The following GLIS3 variants were observed in gnomAD, a reference collection of about 807,000 sequenced individuals.
GLIS3 encodes the protein GLIS family zinc finger 3.
A neutral mutation model predicts 78.6 loss-of-function variants in GLIS3; 53 were observed. The ratio of observed to expected loss-of-function variants is 0.67; its 90% confidence interval spans 0.54 to 0.85. The LOEUF (loss-of-function observed/expected upper bound fraction) is 0.85. GLIS3 is among the 40% of genes least tolerant of loss of function. The probability of loss-of-function intolerance (pLI) is 0.00; values close to 1 mark genes in which losing one functional copy is unlikely to be tolerated. For missense variants in GLIS3, 1,703 were observed against 1,231.1 expected, an observed-to-expected ratio of 1.38 and a Z score of -5.74; for synonymous variants, 684 against 509.9, an observed-to-expected ratio of 1.34 and a Z score of -4.60.
the GLIS3 span, among the ~76,000 whole-genome samples, chr9:4,418,516 T>C: frequency 1.3e-5 from 2 of 152,144 alleles, no homozygotes; most frequent in Non-Finnish European, 2.9e-5. Flanking sequence ...CTGGCCAACA[T>C]GGTGAAGCCC....
chr9:4,195,542 G>C (rs762599787), intron 2 of GLIS3, among the ~76,000 whole-genome samples: 3 of 152,364 alleles, frequency 2.0e-5, no homozygotes, highest in African/African-American at 7.2e-5. Flanking sequence ...CCATGGGGCA[G>C]GGCTCGGGAC....
chr9:4,033,887 A>C (rs1367898828), intron 4 of GLIS3, among the ~76,000 whole-genome samples: 3 of 149,904 alleles, frequency 2.0e-5, no homozygotes, highest in Non-Finnish European at 4.4e-5. Context: ...AAAAAAAAAA[A>C]AAACTAGAAT....
intron 2 of GLIS3, among the ~76,000 whole-genome samples, chr9:4,169,653 G>A (rs1010298740): frequency 6.6e-6 from 1 of 152,130 alleles, no homozygotes; most frequent in African/African-American, 2.4e-5. Flanking sequence ...ATAAGAAAAT[G>A]TGCATGTTTG....
intron 4 of GLIS3, among the ~76,000 whole-genome samples, chr9:4,020,096 G>A (rs1822758404): frequency 6.6e-6 from 1 of 152,116 alleles, no homozygotes; most frequent in Admixed American, 6.5e-5. Context: ...TGGAGAAGGT[G>A]ACGTCTGAGA....
the GLIS3 span, among the ~76,000 whole-genome samples, chr9:4,360,292 A>G: frequency 1.3e-5 from 2 of 152,140 alleles, no homozygotes; most frequent in African/African-American, 4.8e-5. Context: ...GCAACAAAAG[A>G]GCATGCGACT....
At chr9:3,923,147 A>G (rs781646880) in intron 6 of GLIS3, among the ~76,000 whole-genome samples, 12 of 152,348 alleles carry the variant, frequency 7.9e-5, no homozygotes, top group African/African-American at 2.4e-4. Flanking sequence ...AAATATGCCA[A>G]CCAAACTAAT....
chr9:4,325,411 A>G (rs1157470959), intron 2 of GLIS3, among the ~76,000 whole-genome samples: 1 of 152,196 alleles, frequency 6.6e-6, no homozygotes, highest in Non-Finnish European at 1.5e-5. Context: ...AGGTTTAAGG[A>G]ACAACATACA....
At chr9:3,835,337 A>G (rs1253520157) in intron 9 of GLIS3, among the ~76,000 whole-genome samples, 1 of 152,124 alleles carries the variant, frequency 6.6e-6, no homozygotes, top group African/African-American at 2.4e-5. Flanking sequence ...ACCCCTCAAA[A>G]ACATCAGGAA....
chr9:4,452,658 G>A, the GLIS3 span, among the ~76,000 whole-genome samples: 15 of 152,172 alleles, frequency 9.9e-5, no homozygotes, highest in Admixed American at 6.6e-4. Flanking sequence ...CACTGCTCAA[G>A]GAAATAAGAG....
chr9:3,850,118 A>G (rs1036465682), intron 9 of GLIS3, among the ~76,000 whole-genome samples: 2 of 152,248 alleles, frequency 1.3e-5, no homozygotes, highest in Non-Finnish European at 2.9e-5. Context: ...TAAAATATCA[A>G]GAGGAAATTT....
At chr9:4,242,381 T>C (rs1306181942) in intron 2 of GLIS3, among the ~76,000 whole-genome samples, 1 of 152,098 alleles carries the variant, frequency 6.6e-6, no homozygotes, top group African/African-American at 2.4e-5. Context: ...GCTCAAAAAC[T>C]TGCTTTCTGA....
At chr9:4,245,794 T>C (rs1218156659) in intron 2 of GLIS3, among the ~76,000 whole-genome samples, 3 of 152,140 alleles carry the variant, frequency 2.0e-5, no homozygotes, top group Non-Finnish European at 4.4e-5. Flanking sequence ...TTAAAAACAA[T>C]AATAATAATA....
At chr9:4,314,620 A>G (rs1461337660) in intron 2 of GLIS3, among the ~76,000 whole-genome samples, 2 of 152,354 alleles carry the variant, frequency 1.3e-5, no homozygotes, top group Non-Finnish European at 2.9e-5. Context: ...AATCTTTCAT[A>G]TCTTCTCTAG....
At chr9:4,404,724 C>A in the GLIS3 span, among the ~76,000 whole-genome samples, 1 of 151,922 alleles carries the variant, frequency 6.6e-6, no homozygotes, top group Non-Finnish European at 1.5e-5. Context: ...GAGAGCAGTA[C>A]TGAGATAAAT....
intron 9 of GLIS3, among the ~76,000 whole-genome samples, chr9:3,848,390 T>C (rs983062524): frequency 1.3e-5 from 2 of 152,104 alleles, no homozygotes; most frequent in Non-Finnish European, 2.9e-5. Flanking sequence ...TAATCCCAGC[T>C]ACTCTGGAGG....
At chr9:4,147,962 T>C (rs1312725947) in intron 2 of GLIS3, among the ~76,000 whole-genome samples, 2 of 152,212 alleles carry the variant, frequency 1.3e-5, no homozygotes, top group Admixed American at 6.5e-5. Flanking sequence ...TGCACACATC[T>C]CTATAATAGC....
intron 4 of GLIS3, among the ~76,000 whole-genome samples, chr9:4,073,758 C>T (rs1374297551): frequency 6.6e-6 from 1 of 152,166 alleles, no homozygotes; most frequent in African/African-American, 2.4e-5. Flanking sequence ...TCAGTTTCTT[C>T]ATCTCTCATA....
chr9:4,140,626 G>A (rs545709), intron 2 of GLIS3, among the ~76,000 whole-genome samples: 64,408 of 151,866 alleles, frequency 0.42, 14,233 homozygotes, highest in African/African-American at 0.52. Flanking sequence ...CTATCTCATA[G>A]GCCAGATACC....
At chr9:4,204,237 A>T (rs537356569) in intron 2 of GLIS3, among the ~76,000 whole-genome samples, 164 of 152,346 alleles carry the variant, frequency 1.1e-3, no homozygotes, top group African/African-American at 3.8e-3. Context: ...ATTGAAGATA[A>T]TATGTAAAAA....
Sources: allele counts gnomAD v4.1 joint callset (sites outside exome capture counted in the v4.1 genomes callset), GRCh38; gene constraint gnomAD v4.1.1; transcripts MANE v1.5; gene names NCBI Gene and HGNC (gene_info 2026-07-23, HGNC 2026-07-21).